Variants in SLIT2 observed in about 807,000 individuals in gnomAD.
SLIT2 encodes the protein slit guidance ligand 2, also known as slit homolog 2 protein.
SLIT2 carries 41 observed loss-of-function variants against 185.7 expected under a neutral mutation model. The observed-to-expected ratio is 0.22, with a 90% CI of 0.17 to 0.29. The LOEUF (loss-of-function observed/expected upper bound fraction) is 0.29, where lower values mean the gene tolerates loss of function less well. Among genes scored for constraint, SLIT2 ranks in the 10% least tolerant of loss-of-function variants. The pLI, the probability that SLIT2 is intolerant of heterozygous loss-of-function variation, is 1.00. For missense variants in SLIT2, 1,571 were observed against 1,909.0 expected (o/e 0.82, Z 3.30); for synonymous variants, 693 against 680.2 (o/e 1.02, Z -0.29).
At chr4:20,448,333 G>A (rs1008764576) in intron 4 of SLIT2, among the ~76,000 whole-genome samples, 3 of 151,742 alleles carry the variant, frequency 2.0e-5, no homozygotes, top group Admixed American at 6.6e-5. Flanking sequence ...ACAGAGCCTC[G>A]CTCTGTCACT....
In SLIT2 at chr4:20,510,163, C is replaced by T. The variant is rs556055927; in HGVS notation, c.915-332C>T. On this transcript the variant is annotated intron_variant, in intron 9 of 36. Coordinates refer to ENST00000504154, the MANE Select transcript of SLIT2 (RefSeq NM_004787.4). ...CTATTCAGTATTTCTACCTATTTCT[C>T]TAACTTATATTAAGTTAATTAAAAT... Among the ~76,000 whole-genome samples the T allele has an allele frequency of 8.0e-4, 116 of 144,730 alleles. 1 individual carries two copies. The highest frequency in any genetic ancestry group is 2.8e-3 in the African/African-American group (104 of 37,228). The allele number at this position is 144,730 out of a possible 152,430, so 94.9% of individuals were successfully genotyped here.
chr4:20,344,494 G>C (rs896086893), intron 4 of SLIT2, among the ~76,000 whole-genome samples: 1 of 152,084 alleles, frequency 6.6e-6, no homozygotes, highest in Non-Finnish European at 1.5e-5. Flanking sequence ...CAAAAATTTT[G>C]ATGTTGCCAG....
chr4:20,530,919 A>G (rs978124060), intron 16 of SLIT2, among the ~76,000 whole-genome samples: 2 of 151,924 alleles, frequency 1.3e-5, no homozygotes, highest in Admixed American at 6.6e-5. Flanking sequence ...GGACATTCCA[A>G]TCAAAACCAC....
At chr4:20,497,772 T>G (rs1560476787) in intron 9 of SLIT2, among the ~76,000 whole-genome samples, 1 of 152,100 alleles carries the variant, frequency 6.6e-6, no homozygotes, top group African/African-American at 2.4e-5. Flanking sequence ...GCCCCAATAC[T>G]TAGCATACCA....
intron 4 of SLIT2, among the ~76,000 whole-genome samples, chr4:20,347,871 T>C (rs776643627): frequency 1.3e-5 from 2 of 152,200 alleles, no homozygotes; most frequent in Admixed American, 6.5e-5. Context: ...TTTTATGCTG[T>C]GTATAATGAG....
At chr4:20,538,791 A>T (rs1234153754) in intron 18 of SLIT2, among the ~76,000 whole-genome samples, 1 of 152,086 alleles carries the variant, frequency 6.6e-6, no homozygotes. Context: ...AAAAAAAAAA[A>T]AAAAAAGGTA....
rs1169149913 is a variant in SLIT2, at chr4:20,253,582, C to A, written c.-234C>A. On this transcript the variant is annotated 5_prime_UTR_variant, in exon 1 of 37. Transcript: ENST00000504154. ...GGCCAGGCGGATTCATCCTCAGGACCTAAAGTTGCCCAAGGAGCTCCTGCT... is the reference window on the plus strand; with the variant it reads ...GGCCAGGCGGATTCATCCTCAGGACATAAAGTTGCCCAAGGAGCTCCTGCT... 5.1e-6 allele frequency: 3 copies of A among 583,558 alleles called. No homozygotes were observed. The highest frequency in any genetic ancestry group is 3.7e-5 in the African/African-American group (2 of 53,454). The allele number at this position is 583,558 out of a possible 1,614,324, so 36.1% of individuals were successfully genotyped here.
chr4:20,387,860 C>G (rs1397926569), intron 4 of SLIT2, among the ~76,000 whole-genome samples: 1 of 151,992 alleles, frequency 6.6e-6, no homozygotes, highest in Non-Finnish European at 1.5e-5. Flanking sequence ...TTACTGACAC[C>G]CTGATTTCAA....
chr4:20,448,549 G>C (rs536961623), intron 4 of SLIT2, among the ~76,000 whole-genome samples: 1 of 152,026 alleles, frequency 6.6e-6, no homozygotes, highest in African/African-American at 2.4e-5. Context: ...TTGAATTCCC[G>C]ACCTCAGGTG....
rs1722402652 is a variant in SLIT2 at position 20,537,496 on chromosome 4, T to TATCAAAG, written c.1833-1944_1833-1938dup. ...CCGAAACACCACCTCAAGGAACTTATATCAAAGTATTTCTTCTTGTTTTGT... is the reference window on the plus strand; with the variant it reads ...CCGAAACACCACCTCAAGGAACTTATATCAAAGATCAAAGTATTTCTTCTTGTTTTGT... On this transcript the variant is annotated intron_variant, in intron 18 of 36. Transcript: ENST00000504154. 2.0e-5 allele frequency among the ~76,000 whole-genome samples: 3 copies of TATCAAAG among 152,196 alleles called. No individual in the cohort carries two copies. In the South Asian group the frequency reaches 6.2e-4, roughly 31 times the overall value.
At chr4:20,355,281 T>C (rs1446124246) in intron 4 of SLIT2, among the ~76,000 whole-genome samples, 1 of 152,188 alleles carries the variant, frequency 6.6e-6, no homozygotes, top group Non-Finnish European at 1.5e-5. Context: ...GCTTTGGCCA[T>C]GGCTTGCAAA....
At chr4:20,297,651 GATGCAAT>G (rs1716615693) in intron 4 of SLIT2, among the ~76,000 whole-genome samples, 1 of 151,442 alleles carries the variant, frequency 6.6e-6, no homozygotes. Flanking sequence ...GTTGTTAAGA[GATGCAAT>G]ATGTATTCTT....
intron 4 of SLIT2, among the ~76,000 whole-genome samples, chr4:20,455,570 G>A (rs960080104): frequency 1.3e-5 from 2 of 152,030 alleles, no homozygotes; most frequent in Non-Finnish European, 2.9e-5. Context: ...AAACAAAAAT[G>A]TGTTATATTT....
intron 33 of SLIT2, among the ~76,000 whole-genome samples, chr4:20,608,063 G>A (rs553183337): frequency 3.3e-5 from 5 of 152,152 alleles, no homozygotes; most frequent in Admixed American, 2.6e-4. Context: ...ATTCAGAAAT[G>A]GTATTGAATT....
At chr4:20,614,264 C>T (rs1178654349) in intron 34 of SLIT2, among the ~76,000 whole-genome samples, 3 of 152,176 alleles carry the variant, frequency 2.0e-5, no homozygotes, top group Non-Finnish European at 4.4e-5. Flanking sequence ...AAATAAGCCC[C>T]ATGCATGGAA....
intron 3 of SLIT2, among the ~76,000 whole-genome samples, chr4:20,266,744 T>C (rs188372887): frequency 1.3e-5 from 2 of 151,988 alleles, no homozygotes; most frequent in African/African-American, 4.8e-5. Context: ...AAGAGACCAG[T>C]ACATGAATAA....
Position 20,605,896 on chromosome 4 carries a change from G to A in SLIT2, c.3693-4117G>A, listed in dbSNP as rs149597706. On this transcript the variant is annotated intron_variant, in intron 33 of 36. Transcript: ENST00000504154. ...CACATAGCTAGGATTACAGGCACCCGCCACCACGCCCAGATGATTTTGTTT... is the reference window on the plus strand; with the variant it reads ...CACATAGCTAGGATTACAGGCACCCACCACCACGCCCAGATGATTTTGTTT... Among the ~76,000 whole-genome samples, 53 of 151,762 alleles carry A rather than the reference G, an allele frequency of 3.5e-4. No individual in the cohort carries two copies. The East Asian group carries it at 7.2e-3, about 21-fold the overall frequency.
At chr4:20,263,778 T>A (rs1157544553) in intron 3 of SLIT2, among the ~76,000 whole-genome samples, 1 of 151,852 alleles carries the variant, frequency 6.6e-6, no homozygotes, top group Non-Finnish European at 1.5e-5. Flanking sequence ...TGTGCATAGC[T>A]TCACAAAATG....
intron 11 of SLIT2, among the ~76,000 whole-genome samples, chr4:20,511,587 A>ATTTTTTATTTTTTTTTTTTTTT (rs1719726452): frequency 1.2e-5 from 1 of 82,210 alleles, no homozygotes; most frequent in Non-Finnish European, 2.2e-5. Context: ...CATCCAGCTA[A>ATTTTTTATTTTTTTTTTTTTTT]TTTTTTTTTT....
Sources: gnomAD v4.1 joint callset for allele counts (sites outside exome capture counted in the v4.1 genomes callset) on GRCh38, gnomAD v4.1.1 for gene constraint, MANE v1.5 for transcripts, NCBI Gene and HGNC (gene_info 2026-07-23, HGNC 2026-07-21) for gene names.